Variants in ERGIC3 observed in about 807,000 individuals in gnomAD.
The protein encoded by ERGIC3 is ERGIC and golgi 3.
Under a neutral mutation model 54.7 loss-of-function variants are expected in ERGIC3, and 33 were observed. That is an observed-to-expected ratio of 0.60 (90% CI 0.46 to 0.81). ERGIC3 has a LOEUF of 0.81. Ranked by LOEUF, ERGIC3 falls within the 30% of genes least tolerant of loss-of-function variation. The pLI, the probability that ERGIC3 is intolerant of heterozygous loss-of-function variation, is 0.00. For missense variants in ERGIC3, 399 were observed against 488.4 expected (o/e 0.82, Z 1.73); for synonymous variants, 186 against 189.8 (o/e 0.98, Z 0.16).
At chr20:35,547,018 A>G (rs547399142) in intron 4 of ERGIC3, among the ~76,000 whole-genome samples, 1 of 152,326 alleles carries the variant, frequency 6.6e-6, no homozygotes, top group East Asian at 1.9e-4. Flanking sequence ...AGTGGCATAC[A>G]CGTTGGAATT....
chr20:35,545,272 C>T (rs2064642331), intron 4 of ERGIC3: 1 of 152,130 alleles, frequency 6.6e-6, no homozygotes, highest in Admixed American at 6.5e-5. Context: ...AAACCATAAC[C>T]TTTGGCCAGG....
chr20:35,548,383 G>A, intron 5 of ERGIC3, 126 bp from the exon 6 acceptor site: 1 of 970,914 alleles, frequency 1.0e-6, no homozygotes, highest in Non-Finnish European at 1.5e-6. Context: ...GAGAATGTTT[G>A]GTGGTCAGGG....
At position 35,542,937 on chromosome 20, in the gene ERGIC3, G is replaced by A. The variant is rs781077608; in HGVS notation, c.363G>A (p.Arg121=). The part of the protein sequence containing the change: ...DGIPVSSEAE[R]HELGKVEVTV... ...TCCCCGTGAGCTCAGAGGCTGAGCG[G>A]CATGGTAACCAGGGGAGGGGGCCGG... Residue 121 remains arginine (R), a synonymous_variant, in exon 4 of 13, where the codon CGG becomes CGA. Transcript: ENST00000348547. 1 of 1,613,902 alleles carries A rather than the reference G, an allele frequency of 6.2e-7. No homozygotes were observed. The highest frequency in any genetic ancestry group is 1.1e-5 in the South Asian group (1 of 91,026).
In ERGIC3 at chr20:35,557,471, C is replaced by T. The variant is rs767416302; in HGVS notation, c.1119C>T (p.Ile373=). Reference sequence around the variant, plus strand: ...TCATCTACCACTCAGCACGAGCCATCCAGAAGAAAATTGATCTAGGGAAGA... The same window carrying T: ...TCATCTACCACTCAGCACGAGCCATTCAGAAGAAAATTGATCTAGGGAAGA... ...DSLIYHSARA[I]QKKIDLGKTT The change falls in exon 13 of 13, where the codon ATC becomes ATT. Residue 373 remains isoleucine (I), a synonymous_variant. Coordinates refer to ENST00000348547, the MANE Select transcript of ERGIC3 (RefSeq NM_015966.3). 1.9e-6 allele frequency: 3 copies of T among 1,614,132 alleles called. No individual in the cohort carries two copies. The highest frequency in any genetic ancestry group is 2.5e-6 in the Non-Finnish European group (3 of 1,180,022).
At chr20:35,552,896 G>C (rs1013676478) in intron 7 of ERGIC3, among the ~76,000 whole-genome samples, 3 of 152,138 alleles carry the variant, frequency 2.0e-5, no homozygotes, top group African/African-American at 7.2e-5. Flanking sequence ...GTACAGGAGA[G>C]AGTGACAGGC....
At chr20:35,543,821 G>A in intron 4 of ERGIC3, 2 of 427,452 alleles carry the variant, frequency 4.7e-6, no homozygotes, top group South Asian at 3.4e-5. Context: ...TTGGTGGGAG[G>A]GAGGAGTGGC....
intron 7 of ERGIC3, among the ~76,000 whole-genome samples, chr20:35,552,184 A>G (rs1421818758): frequency 6.6e-6 from 1 of 152,156 alleles, no homozygotes; most frequent in Non-Finnish European, 1.5e-5. Flanking sequence ...GGTGTGGCAG[A>G]AGTACATGGA....
chr20:35,550,813 G>C (rs2064678102), intron 7 of ERGIC3, among the ~76,000 whole-genome samples: 1 of 152,186 alleles, frequency 6.6e-6, no homozygotes, highest in African/African-American at 2.4e-5. Flanking sequence ...GACAGAATCA[G>C]AGAGGCCCAT....
In ERGIC3 at chr20:35,556,103, ACC is replaced by A; in HGVS notation, c.789_790del (p.Asp263GlufsTer43). The A allele has an allele frequency of 1.9e-6, 3 of 1,614,148 alleles. No individual in the cohort carries two copies. The highest frequency in any genetic ancestry group is 2.5e-6 in the Non-Finnish European group (3 of 1,180,022). On this transcript the variant is annotated frameshift_variant, in exon 9 of 13. Transcript: ENST00000348547. LOFTEE classifies it high-confidence loss of function. ...TATCCAGGCATTGTGAACCCCCTGGACCACACCAATGTCACTGCGCCCCAAGG... is the reference window on the plus strand; with the variant it reads ...TATCCAGGCATTGTGAACCCCCTGGAACACCAATGTCACTGCGCCCCAAGG...
intron 3 of ERGIC3, 68 bp downstream of exon 3, chr20:35,542,668 C>T (rs2064621948): frequency 6.2e-6 from 10 of 1,601,592 alleles, no homozygotes; most frequent in South Asian, 2.2e-5. Flanking sequence ...AGATTCACAC[C>T]TCCACCCTTA....
At chr20:35,547,282 A>G (rs2064653641) in intron 4 of ERGIC3, 130 bp from the exon 5 acceptor site, 1 of 671,108 alleles carries the variant, frequency 1.5e-6, no homozygotes, top group Non-Finnish European at 2.7e-6. Context: ...CCTGACCCGT[A>G]GCATGTACTA....
chr20:35,543,147 G>A, intron 4 of ERGIC3: 3 of 570,144 alleles, frequency 5.3e-6, no homozygotes, highest in Non-Finnish European at 9.1e-6. Context: ...AATCTACCTG[G>A]CTATTATTCT....
At chr20:35,544,805 CTTTT>C (rs1168405691) in intron 4 of ERGIC3, 4,027 of 75,678 alleles carry the variant, frequency 0.053, 140 homozygotes, top group Middle Eastern at 0.29. Flanking sequence ...CGGGGATCTA[CTTTT>C]TTTTTTTTTT....
chr20:35,553,427 T>C (rs1336399883), intron 7 of ERGIC3, among the ~76,000 whole-genome samples: 1 of 151,818 alleles, frequency 6.6e-6, no homozygotes, highest in Non-Finnish European at 1.5e-5. Flanking sequence ...AGTTAGTGCC[T>C]GAAAGGAAGA....
rs1381244717 is a variant in ERGIC3 at position 35,557,051 on chromosome 20, G to A, written c.958G>A (p.Gly320Arg). 6 of 1,614,236 alleles carry A rather than the reference G, an allele frequency of 3.7e-6. No individual in the cohort carries two copies. Among genetic ancestry groups the A allele is most frequent in the South Asian group, 1.1e-5 (1 of 91,086 alleles). ...GCTGTTGGGCGACCAAGGCCTTCCCGGAGTCTTCGTCCTCTATGAGCTCTC... is the reference window on the plus strand; with the variant it reads ...GCTGTTGGGCGACCAAGGCCTTCCCAGAGTCTTCGTCCTCTATGAGCTCTC... The part of the protein sequence containing the change: ...NGLLGDQGLP[G>R]VFVLYELSPM... The change falls in exon 11 of 13, where the codon GGA becomes AGA. Residue 320 changes from glycine to arginine, a missense_variant. By Grantham distance (125) the Gly-to-Arg change is moderately radical. Coordinates refer to ENST00000348547, the MANE Select transcript of ERGIC3 (RefSeq NM_015966.3).
At chr20:35,546,066 TG>T (rs1160764594) in intron 4 of ERGIC3, among the ~76,000 whole-genome samples, 1 of 151,892 alleles carries the variant, frequency 6.6e-6, no homozygotes, top group Admixed American at 6.6e-5. Flanking sequence ...AAAAGCCAAG[TG>T]GAGAGAGTTT....
chr20:35,545,675 T>C (rs766439661), intron 4 of ERGIC3, among the ~76,000 whole-genome samples: 16 of 152,168 alleles, frequency 1.1e-4, no homozygotes, highest in Non-Finnish European at 2.1e-4. Flanking sequence ...GCCTTACTCA[T>C]TGTGGGAGAG....
At position 35,555,030 on chromosome 20, in the gene ERGIC3, C is replaced by T. The variant is rs2064703459; in HGVS notation, c.686-14C>T. 6.2e-7 allele frequency: 1 copy of T among 1,613,962 alleles called. No individual in the cohort carries two copies. Among genetic ancestry groups the T allele is most frequent in the Non-Finnish European group, 8.5e-7 (1 of 1,180,002 alleles). ...AATGACGCCTTCTCCCTTGCCTTCT[C>T]CCTTCTCTCCTAGTCCATGACTTGC... On this transcript the variant is annotated splice_polypyrimidine_tract_variant and intron_variant, in intron 7 of 12. Coordinates refer to ENST00000348547, the MANE Select transcript of ERGIC3 (RefSeq NM_015966.3).
chr20:35,555,304 C>G (rs1465709484), intron 8 of ERGIC3, among the ~76,000 whole-genome samples: 2 of 152,114 alleles, frequency 1.3e-5, no homozygotes. Context: ...ACAGACAGAG[C>G]CTCAGCGCAA....
Sources: allele counts gnomAD v4.1 joint callset (sites outside exome capture counted in the v4.1 genomes callset), GRCh38; gene constraint gnomAD v4.1.1; transcripts MANE v1.5; gene names NCBI Gene and HGNC (gene_info 2026-07-23, HGNC 2026-07-21).